The following EPS8 variants were observed in gnomAD, a reference collection of about 807,000 sequenced individuals.
The protein encoded by EPS8 is EGFR pathway substrate 8, signaling adaptor.
Under a neutral mutation model 103.8 loss-of-function variants are expected in EPS8, and 42 were observed. That is an observed-to-expected ratio of 0.40 (90% CI 0.32 to 0.52). The LOEUF (loss-of-function observed/expected upper bound fraction) is 0.52. Ranked by LOEUF, EPS8 falls within the 20% of genes least tolerant of loss-of-function variation. The probability of loss-of-function intolerance (pLI) is 0.40; values close to 1 mark genes in which losing one functional copy is unlikely to be tolerated. For missense variants in EPS8, 969 were observed against 1,005.1 expected (o/e 0.96, Z 0.49); for synonymous variants, 344 against 344.6 (o/e 1.00, Z 0.02).
Position 15,682,988 on chromosome 12 carries a change from C to T in EPS8, c.-21-16G>A. ...CTTGTGTGTTCTAAAAAAAGAAAGACACATAGATTAAAGGCAATAAAAAGG... is the reference window on the plus strand; with the variant it reads ...CTTGTGTGTTCTAAAAAAAGAAAGATACATAGATTAAAGGCAATAAAAAGG... On this transcript the variant is annotated splice_polypyrimidine_tract_variant and intron_variant, in intron 1 of 20. Transcript: ENST00000281172. The T allele has an allele frequency of 2.1e-6, 3 of 1,432,264 alleles. No individual in the cohort carries two copies. The highest frequency in any genetic ancestry group is 2.5e-5 in the South Asian group (2 of 79,338). The allele number at this position is 1,432,264 out of a possible 1,614,324, so 88.7% of individuals were successfully genotyped here. A position where few individuals can be genotyped will look rare whatever the true frequency, so the allele number is the denominator to read the frequency against.
At chr12:15,673,208 C>T (rs893434344) in intron 3 of EPS8, among the ~76,000 whole-genome samples, 1 of 152,120 alleles carries the variant, frequency 6.6e-6, no homozygotes, top group African/African-American at 2.4e-5. Context: ...AATTAAGAAT[C>T]CACTTTAGGA....
In EPS8 at chr12:15,779,171, C is replaced by T. The variant is rs11056640; in HGVS notation, c.-22+9990G>A. Among the ~76,000 whole-genome samples the T allele has an allele frequency of 0.071, 10,735 of 152,014 alleles. 1,256 individuals carry two copies. The highest frequency in any genetic ancestry group is 0.24 in the African/African-American group (9,939 of 41,428). Reference sequence around the variant, plus strand: ...TTTTGTATTTTTAGTAGAGACAGGGCGTCTCTATGTTTGTCAGGCTGGTCT... The same window carrying T: ...TTTTGTATTTTTAGTAGAGACAGGGTGTCTCTATGTTTGTCAGGCTGGTCT... On this transcript the variant is annotated intron_variant, in intron 1 of 20. Coordinates refer to ENST00000281172, the MANE Select transcript of EPS8 (RefSeq NM_004447.6). The surrounding 1 kb of genome is among the most constrained non-coding windows in gnomAD (Gnocchi z 4.3).
chr12:15,775,673 T>C (rs1947200448), intron 1 of EPS8, among the ~76,000 whole-genome samples: 1 of 152,182 alleles, frequency 6.6e-6, no homozygotes, highest in African/African-American at 2.4e-5. Context: ...CTGATGCTTC[T>C]GTTAAGTTTT....
rs766841051 is a variant in EPS8, at chr12:15,736,850, C to G, written c.-22+52311G>C. On this transcript the variant is annotated intron_variant, in intron 1 of 20. Transcript: ENST00000281172. This position sits in a 1 kb window ranked among gnomAD's most constrained non-coding sequence, Gnocchi z 4.2. Reference sequence around the variant, plus strand: ...TATATTACAGCCCCAATAAACAGTACGCATGATGATGAATTTACATTATGC... The same window carrying G: ...TATATTACAGCCCCAATAAACAGTAGGCATGATGATGAATTTACATTATGC... 1.3e-5 allele frequency among the ~76,000 whole-genome samples: 2 copies of G among 152,024 alleles called. No homozygotes were observed. Among genetic ancestry groups the G allele is most frequent in the Admixed American group, 6.6e-5 (1 of 15,260 alleles).
At chr12:15,685,342 G>A (rs1946077536) in intron 1 of EPS8, among the ~76,000 whole-genome samples, 1 of 152,074 alleles carries the variant, frequency 6.6e-6, no homozygotes, top group Non-Finnish European at 1.5e-5. Flanking sequence ...AGATAGATGT[G>A]CAAGTTTCTT....
chr12:15,663,548 G>C (rs1945644549), intron 8 of EPS8, among the ~76,000 whole-genome samples: 1 of 152,130 alleles, frequency 6.6e-6, no homozygotes, highest in Non-Finnish European at 1.5e-5. Context: ...CACTTAAACA[G>C]ATGACATTGC....
chr12:15,766,175 G>A (rs905551204), intron 1 of EPS8, among the ~76,000 whole-genome samples: 1 of 151,408 alleles, frequency 6.6e-6, no homozygotes, highest in Non-Finnish European at 1.5e-5. Flanking sequence ...TTTAAAAAAA[G>A]AAAGAAAGAA....
At chr12:15,662,449 CT>C (rs1283256957) in intron 8 of EPS8, 6 of 1,009,388 alleles carry the variant, frequency 5.9e-6, no homozygotes, top group Non-Finnish European at 7.1e-6. Context: ...AGCAGTCAAG[CT>C]TTTACTTCTC....
At chr12:15,773,125 G>T (rs1947171350) in intron 1 of EPS8, among the ~76,000 whole-genome samples, 1 of 152,098 alleles carries the variant, frequency 6.6e-6, no homozygotes, top group Non-Finnish European at 1.5e-5. Flanking sequence ...GCAAAAGGAT[G>T]TTAAGAGACT....
chr12:15,722,449 A>G (rs1946607464), intron 1 of EPS8, among the ~76,000 whole-genome samples: 2 of 152,212 alleles, frequency 1.3e-5, no homozygotes, highest in Non-Finnish European at 2.9e-5. Context: ...TTGAACATAA[A>G]TCTTTATGCC....
In EPS8 at chr12:15,647,161, C is replaced by A. The variant is rs1328809456; in HGVS notation, c.1534G>T (p.Ala512Ser). 1.9e-6 allele frequency: 3 copies of A among 1,613,860 alleles called. No individual in the cohort carries two copies. The highest frequency in any genetic ancestry group is 2.5e-6 in the Non-Finnish European group (3 of 1,179,954). ...TGGCGATTAGAAGTTGGCTTAAAAG[C>A]AACAGCAGCTTCCCCTTGGTCCAGG... ...SHLDQGEAAV[A>S]FKPTSNRHID... Residue 512 changes from alanine (A) to serine (S), a missense_variant, in exon 15 of 21, where the codon GCT becomes TCT. Ala to Ser is a moderately conservative substitution (Grantham distance 99). Coordinates refer to ENST00000281172, the MANE Select transcript of EPS8 (RefSeq NM_004447.6).
intron 1 of EPS8, among the ~76,000 whole-genome samples, chr12:15,775,183 C>A (rs1947195929): frequency 6.6e-6 from 1 of 152,126 alleles, no homozygotes; most frequent in South Asian, 2.1e-4. Context: ...AAGTTACCCA[C>A]ATTCAAAATT....
rs1479321435 is a variant in EPS8 at position 15,780,928 on chromosome 12, A to G, written c.-22+8233T>C. 6.6e-6 allele frequency among the ~76,000 whole-genome samples: 1 copy of G among 152,246 alleles called. No individual in the cohort carries two copies. The highest frequency in any genetic ancestry group is 1.5e-5 in the Non-Finnish European group (1 of 68,050). On this transcript the variant is annotated intron_variant, in intron 1 of 20. Transcript: ENST00000281172. This position sits in a 1 kb window ranked among gnomAD's most constrained non-coding sequence, Gnocchi z 4.1. ...ATGATAATAAGTGCTAATTTCATTCAGCAAGCCTTTTGTGAGTGTGTCATA... is the reference window on the plus strand; with the variant it reads ...ATGATAATAAGTGCTAATTTCATTCGGCAAGCCTTTTGTGAGTGTGTCATA...
intron 4 of EPS8, among the ~76,000 whole-genome samples, chr12:15,670,433 A>C (rs2135850661): frequency 6.6e-6 from 1 of 152,304 alleles, no homozygotes; most frequent in East Asian, 1.9e-4. Context: ...CAACCAGATA[A>C]ATTCCAATCA....
In EPS8 at chr12:15,780,497, C is replaced by CACACACACAA. The variant is rs1947249853; in HGVS notation, c.-22+8663_-22+8664insTTGTGTGTGT. The CACACACACAA allele has an allele frequency of 6.6e-6, 1 of 151,726 alleles. No homozygotes were observed. The highest frequency in any genetic ancestry group is 1.9e-4 in the East Asian group (1 of 5,148). 9.4% of individuals were successfully genotyped at this position (151,726 alleles called of 1,614,324 possible). A position where few individuals can be genotyped will look rare whatever the true frequency, so the allele number is the denominator to read the frequency against. ...GCTGGGATAAACACACACACACACA[C>CACACACACAA]ACACACACACACACACACACACACA... On this transcript the variant is annotated intron_variant, in intron 1 of 20. Coordinates refer to ENST00000281172, the MANE Select transcript of EPS8 (RefSeq NM_004447.6). The surrounding 1 kb of genome is among the most constrained non-coding windows in gnomAD (Gnocchi z 4.1).
At position 15,788,672 on chromosome 12, in the gene EPS8, G is replaced by C. The variant is rs1226310296; in HGVS notation, c.-22+489C>G. On this transcript the variant is annotated intron_variant, in intron 1 of 20. Transcript: ENST00000281172. ...CAACGATTCCGAAACAATTAGCTAT[G>C]TTAATTCGAGGGGGTAAACGGGGGT... 2.0e-5 allele frequency among the ~76,000 whole-genome samples: 3 copies of C among 152,192 alleles called. No homozygotes were observed. In the East Asian group the frequency reaches 5.8e-4, roughly 29 times the overall value.
chr12:15,654,203 C>A lies in EPS8; in HGVS notation c.1192G>T (p.Val398Phe), dbSNP rs1945467555. Residue 398 changes from valine to phenylalanine, a missense_variant, in exon 13 of 21, where the codon GTC becomes TTC. Coordinates refer to ENST00000281172, the MANE Select transcript of EPS8 (RefSeq NM_004447.6). ...CACAGCTGCCGTTCATCACCATTGA[C>A]AGTATAATTTAAGAAATCAATTGTG... ...KDTIDFLNYT[V>F]NGDERQLWMS... 6.2e-7 allele frequency: 1 copy of A among 1,613,774 alleles called. No individual in the cohort carries two copies. The highest frequency in any genetic ancestry group is 8.5e-7 in the Non-Finnish European group (1 of 1,179,770).
At chr12:15,719,247 T>A (rs1228048231) in intron 1 of EPS8, among the ~76,000 whole-genome samples, 1 of 152,056 alleles carries the variant, frequency 6.6e-6, no homozygotes, top group Non-Finnish European at 1.5e-5. Flanking sequence ...ACATATAAGT[T>A]AATTACTGAG....
chr12:15,661,479 C>T (rs1370030785), intron 9 of EPS8, among the ~76,000 whole-genome samples: 1 of 152,064 alleles, frequency 6.6e-6, no homozygotes, highest in Non-Finnish European at 1.5e-5. Context: ...GTATTAACAT[C>T]ATATTCTAGA....
Sources: allele counts gnomAD v4.1 joint callset (sites outside exome capture counted in the v4.1 genomes callset), GRCh38; gene constraint gnomAD v4.1.1; non-coding constraint Gnocchi (gnomAD v3.1); transcripts MANE v1.5; gene names NCBI Gene and HGNC (gene_info 2026-07-23, HGNC 2026-07-21).